Variants in IGF2BP1 observed in about 807,000 individuals in gnomAD.
IGF2BP1 encodes the protein insulin like growth factor 2 mRNA binding protein 1.
Under a neutral mutation model 74.9 loss-of-function variants are expected in IGF2BP1, and 11 were observed. The ratio of observed to expected loss-of-function variants is 0.15; its 90% confidence interval spans 0.09 to 0.24. The LOEUF (loss-of-function observed/expected upper bound fraction) is 0.24, where lower values mean the gene tolerates loss of function less well. Ranked by LOEUF, IGF2BP1 falls within the 10% of genes least tolerant of loss-of-function variation. The pLI, the probability that IGF2BP1 is intolerant of heterozygous loss-of-function variation, is 1.00. For synonymous variants in IGF2BP1, 287 were observed against 281.8 expected, an observed-to-expected ratio of 1.02 and a Z score of -0.18; for missense variants, 440 against 757.4, an observed-to-expected ratio of 0.58 and a Z score of 4.92.
chr17:49,047,150 G>T (rs1243719833), intron 14 of IGF2BP1, among the ~76,000 whole-genome samples: 2 of 152,096 alleles, frequency 1.3e-5, no homozygotes, highest in African/African-American at 4.8e-5. Context: ...CTGGCTCTTG[G>T]TTTTTTGGCT....
intron 2 of IGF2BP1, among the ~76,000 whole-genome samples, chr17:48,999,831 C>T (rs887535420): frequency 6.6e-6 from 1 of 151,702 alleles, no homozygotes; most frequent in Non-Finnish European, 1.5e-5. Flanking sequence ...CTCCTTCAGC[C>T]CATTGTTACC....
At position 49,006,436 on chromosome 17, in the gene IGF2BP1, C is replaced by T. The variant is rs547094158; in HGVS notation, c.236+7267C>T. On this transcript the variant is annotated intron_variant, in intron 2 of 14. Transcript: ENST00000290341. ...TGTTTAAAAGCTTGAGCTCAATTTC[C>T]GTAACTGTAAAGAAGTGGTCCTAAT... Among the ~76,000 whole-genome samples, 497 of 152,216 alleles carry T rather than the reference C, an allele frequency of 3.3e-3. 2 individuals are homozygous for T. Among genetic ancestry groups the T allele is most frequent in the African/African-American group, 0.011 (460 of 41,490 alleles).
At chr17:49,036,635 G>A (rs933723242) in intron 5 of IGF2BP1, 2 of 152,124 alleles carry the variant, frequency 1.3e-5, no homozygotes, top group African/African-American at 4.8e-5. Flanking sequence ...ACTCTCTGAT[G>A]GGTTGCCCTG....
intron 2 of IGF2BP1, among the ~76,000 whole-genome samples, chr17:49,010,041 C>T (rs1281637200): frequency 6.6e-6 from 1 of 151,592 alleles, no homozygotes. Flanking sequence ...GATTGCGCCA[C>T]TGCACTCCAG....
At chr17:49,028,963 T>G (rs1445028966) in intron 4 of IGF2BP1, among the ~76,000 whole-genome samples, 1 of 152,100 alleles carries the variant, frequency 6.6e-6, no homozygotes, top group Non-Finnish European at 1.5e-5. Context: ...CCCACTACCA[T>G]GCCCAGCTAA....
In IGF2BP1 at chr17:49,051,704, T is replaced by C. The variant is rs1171368565; in HGVS notation, c.*2260T>C. The C allele has an allele frequency of 1.3e-5, 2 of 152,090 alleles. No individual in the cohort carries two copies. Among genetic ancestry groups the C allele is most frequent in the Non-Finnish European group, 2.9e-5 (2 of 68,020 alleles). The allele number at this position is 152,090 out of a possible 1,614,324, so 9.4% of individuals were successfully genotyped here. On this transcript the variant is annotated 3_prime_UTR_variant, in exon 15 of 15. Transcript: ENST00000290341. The stretch of plus-strand genomic sequence containing the variant: ...GGAGAGAAATAATAACTAAAAAATA[T>C]ACCCTTTAAAAAAACCTATATTTCT...
rs1598165873 is a variant in IGF2BP1 at position 49,053,466 on chromosome 17, C to T, written c.*4022C>T. ...TTTGCCAAGCCAAGGGGTAGGGAGCCGAGAAATTGGTCTGTCGGCTCCTGG... is the reference window on the plus strand; with the variant it reads ...TTTGCCAAGCCAAGGGGTAGGGAGCTGAGAAATTGGTCTGTCGGCTCCTGG... On this transcript the variant is annotated 3_prime_UTR_variant, in exon 15 of 15. Coordinates refer to ENST00000290341, the MANE Select transcript of IGF2BP1 (RefSeq NM_006546.4). 1 of 152,868 alleles carries T rather than the reference C, an allele frequency of 6.5e-6. No homozygotes were observed. The highest frequency in any genetic ancestry group is 2.1e-4 in the South Asian group (1 of 4,832). The allele number at this position is 152,868 out of a possible 1,614,324, so 9.5% of individuals were successfully genotyped here.
At chr17:49,010,466 C>T (rs1039438711) in intron 2 of IGF2BP1, among the ~76,000 whole-genome samples, 2 of 151,702 alleles carry the variant, frequency 1.3e-5, no homozygotes, top group Non-Finnish European at 2.9e-5. Context: ...TACAGGCGCC[C>T]GCCACCACGC....
chr17:49,007,529 C>T (rs2041564422), intron 2 of IGF2BP1, among the ~76,000 whole-genome samples: 1 of 152,198 alleles, frequency 6.6e-6, no homozygotes, highest in South Asian at 2.1e-4. Flanking sequence ...AAAAGGGCTT[C>T]CCATCCGGAT....
intron 2 of IGF2BP1, among the ~76,000 whole-genome samples, chr17:49,000,210 C>T (rs2041470722): frequency 6.6e-6 from 1 of 152,154 alleles, no homozygotes; most frequent in African/African-American, 2.4e-5. Flanking sequence ...AATCTTTGAT[C>T]TTCCTCACCC....
rs1187018993 is a variant in IGF2BP1, at chr17:49,054,051, T to G, written c.*4607T>G. The G allele has an allele frequency of 6.5e-6, 1 of 152,722 alleles. No individual in the cohort carries two copies. The highest frequency in any genetic ancestry group is 2.4e-5 in the African/African-American group (1 of 41,474). The allele number at this position is 152,722 out of a possible 1,614,324, so 9.5% of individuals were successfully genotyped here. ...GCAGAACATTTCTCTGTATTCAGAC[T>G]TAGAGTAACACCAGCTGAAAACTGC... On this transcript the variant is annotated 3_prime_UTR_variant, in exon 15 of 15. Coordinates refer to ENST00000290341, the MANE Select transcript of IGF2BP1 (RefSeq NM_006546.4).
At chr17:49,025,265 G>A (rs1005282473) in intron 2 of IGF2BP1, among the ~76,000 whole-genome samples, 2 of 151,398 alleles carry the variant, frequency 1.3e-5, no homozygotes, top group Non-Finnish European at 2.9e-5. Context: ...CATAGTCATG[G>A]TAACCTGCTT....
At chr17:49,043,850 A>T in intron 10 of IGF2BP1, 117 bp from the exon 11 acceptor site, 1 of 1,422,626 alleles carries the variant, frequency 7.0e-7, no homozygotes. Flanking sequence ...TTGGCAGCCC[A>T]GGGTGGCGGT....
rs2042030467 is a variant in IGF2BP1, at chr17:49,039,847, CAAG to C, written c.684-105_684-103del. On this transcript the variant is annotated intron_variant, in intron 6 of 14. Transcript: ENST00000290341. Reference sequence around the variant, plus strand: ...AAGTTGTACTTGATTGTCCTTGTTTCAAGAAGAGCAGGTTCTATGCCTTTGACT... The same window carrying C: ...AAGTTGTACTTGATTGTCCTTGTTTCAAGAGCAGGTTCTATGCCTTTGACT... 1.8e-5 allele frequency: 21 copies of C among 1,175,104 alleles called. No homozygotes were observed. In the South Asian group the frequency reaches 2.8e-4, roughly 16 times the overall value. 72.8% of individuals were successfully genotyped at this position (1,175,104 alleles called of 1,614,324 possible). A position where few individuals can be genotyped will look rare whatever the true frequency, so the allele number is the denominator to read the frequency against.
At position 49,050,769 on chromosome 17, in the gene IGF2BP1, T is replaced by C. The variant is rs1210194264; in HGVS notation, c.*1325T>C. On this transcript the variant is annotated 3_prime_UTR_variant, in exon 15 of 15. Coordinates refer to ENST00000290341, the MANE Select transcript of IGF2BP1 (RefSeq NM_006546.4). ...TACAGCAAGGGGTAAATAAGCTTAA[T>C]TTATTAATTTACCAGGCTTAATTAA... 38 of 152,622 alleles carry C rather than the reference T, an allele frequency of 2.5e-4. No individual in the cohort carries two copies. The highest frequency in any genetic ancestry group is 2.5e-3 in the Admixed American group (38 of 15,280). 9.5% of individuals were successfully genotyped at this position (152,622 alleles called of 1,614,324 possible).
At chr17:49,047,007 T>C (rs1214607059) in intron 14 of IGF2BP1, among the ~76,000 whole-genome samples, 1 of 152,152 alleles carries the variant, frequency 6.6e-6, no homozygotes. Flanking sequence ...TTTCCTAAAG[T>C]CTTAAATCCA....
At chr17:49,017,497 A>G (rs1388293318) in intron 2 of IGF2BP1, among the ~76,000 whole-genome samples, 1 of 152,228 alleles carries the variant, frequency 6.6e-6, no homozygotes, top group Non-Finnish European at 1.5e-5. Context: ...TATATAAAAA[A>G]TTATCTCAAC....
chr17:49,037,256 C>T (rs569763870), intron 5 of IGF2BP1: 75 of 444,864 alleles, frequency 1.7e-4, no homozygotes, highest in African/African-American at 1.4e-3. Flanking sequence ...ACTCTGGAAC[C>T]CTTACGGTAG....
chr17:49,002,612 CAT>C (rs942495168), intron 2 of IGF2BP1, among the ~76,000 whole-genome samples: 3 of 151,372 alleles, frequency 2.0e-5, no homozygotes, highest in African/African-American at 7.3e-5. Flanking sequence ...TAAAAGATAA[CAT>C]GTGACTACTA....
Sources: allele counts gnomAD v4.1 joint callset (sites outside exome capture counted in the v4.1 genomes callset), GRCh38; gene constraint gnomAD v4.1.1; transcripts MANE v1.5; gene names NCBI Gene and HGNC (gene_info 2026-07-23, HGNC 2026-07-21).